The following SERPINB5 variants were observed in gnomAD, a reference collection of about 807,000 sequenced individuals.
SERPINB5 encodes the protein serpin B5.
A neutral mutation model predicts 32.2 loss-of-function variants in SERPINB5; 27 were observed. The observed-to-expected ratio is 0.84, with a 90% CI of 0.62 to 1.16. The LOEUF (loss-of-function observed/expected upper bound fraction) is 1.16, where lower values mean the gene tolerates loss of function less well. SERPINB5 is among the 50% of genes most tolerant of loss of function. SERPINB5 has a pLI of 0.00. For synonymous variants in SERPINB5, 154 were observed against 157.4 expected (o/e 0.98, Z 0.16); for missense variants, 388 against 436.3 (o/e 0.89, Z 0.99).
chr18:63,493,323 A>G (rs1454615206), intron 5 of SERPINB5: 1 of 599,318 alleles, frequency 1.7e-6, no homozygotes, highest in African/African-American at 1.9e-5. Context: ...GCTGAGTGAA[A>G]CTTTATAGAA....
At chr18:63,491,337 G>A (rs1008810497) in intron 4 of SERPINB5, among the ~76,000 whole-genome samples, 2 of 147,936 alleles carry the variant, frequency 1.4e-5, no homozygotes, top group Non-Finnish European at 3.0e-5. Context: ...GGGAGGCGGA[G>A]GTTGCAATGA....
At chr18:63,480,550 C>T (rs77581358) in intron 1 of SERPINB5, among the ~76,000 whole-genome samples, 6,326 of 152,248 alleles carry the variant, frequency 0.042, 388 homozygotes, top group East Asian at 0.13. Flanking sequence ...AATTTTATAG[C>T]ATTTGATCAT....
intron 4 of SERPINB5, 24 bp downstream of exon 4, chr18:63,489,488 C>G: frequency 7.5e-7 from 1 of 1,342,094 alleles, no homozygotes; most frequent in Non-Finnish European, 1.1e-6. Flanking sequence ...AATTGTTCTG[C>G]TATCAATCAC....
rs756920576 is a variant in SERPINB5, at chr18:63,484,378, A to G, written c.-7-44A>G. 3 of 1,553,610 alleles carry G rather than the reference A, an allele frequency of 1.9e-6. No individual in the cohort carries two copies. In the South Asian group the frequency reaches 3.7e-5, roughly 19 times the overall value. ...GGCAGAATGCAGTTGAGAAGACGTT[A>G]AAGATGCTTTAGAAACTAACTGCTC... On this transcript the variant is annotated intron_variant, in intron 1 of 6. Coordinates refer to ENST00000382771, the MANE Select transcript of SERPINB5 (RefSeq NM_002639.5).
At chr18:63,490,853 G>C (rs1171601734) in intron 4 of SERPINB5, 1 of 152,134 alleles carries the variant, frequency 6.6e-6, no homozygotes, top group African/African-American at 2.4e-5. Context: ...AATAGGTTTT[G>C]GGGAACAGGT....
intron 4 of SERPINB5, chr18:63,490,822 T>A (rs1318358682): frequency 6.6e-6 from 1 of 152,226 alleles, no homozygotes; most frequent in African/African-American, 2.4e-5. Context: ...TTTAAAATTG[T>A]ATTATATTGT....
rs1405840872 is a variant in SERPINB5 at position 63,498,590 on chromosome 18, A to G, written c.568-530A>G. ...TACAGTATTATATATACTTCATGTA[A>G]TGTGTAACATGTAGATTATAAAGTA... On this transcript the variant is annotated intron_variant, in intron 5 of 6. Coordinates refer to ENST00000382771, the MANE Select transcript of SERPINB5 (RefSeq NM_002639.5). The surrounding 1 kb of genome is among the most constrained non-coding windows in gnomAD (Gnocchi z 4.2). Among the ~76,000 whole-genome samples the G allele has an allele frequency of 6.6e-6, 1 of 152,144 alleles. No homozygotes were observed. Among genetic ancestry groups the G allele is most frequent in the Non-Finnish European group, 1.5e-5 (1 of 68,036 alleles).
intron 1 of SERPINB5, among the ~76,000 whole-genome samples, chr18:63,478,101 G>C (rs1210984693): frequency 6.6e-6 from 1 of 152,176 alleles, no homozygotes; most frequent in Non-Finnish European, 1.5e-5. Context: ...TTCCTTCATG[G>C]GTGGAGATGA....
rs1428392740 is a variant in SERPINB5 at position 63,480,560 on chromosome 18, T to C, written c.-8+3515T>C. Among the ~76,000 whole-genome samples the C allele has an allele frequency of 2.0e-5, 3 of 152,248 alleles. No homozygotes were observed. The East Asian group carries it at 5.8e-4, about 29-fold the overall frequency. Reference sequence around the variant, plus strand: ...CTTGCAATTTTATAGCATTTGATCATGCAAAATGGTCTGTGTAGGAAGTTT... The same window carrying C: ...CTTGCAATTTTATAGCATTTGATCACGCAAAATGGTCTGTGTAGGAAGTTT... On this transcript the variant is annotated intron_variant, in intron 1 of 6. Coordinates refer to ENST00000382771, the MANE Select transcript of SERPINB5 (RefSeq NM_002639.5).
chr18:63,484,624 T>G lies in SERPINB5; in HGVS notation c.168+28T>G, dbSNP rs375681972. On this transcript the variant is annotated intron_variant, in intron 2 of 6. Transcript: ENST00000382771. ...AAGCCCCAAAACCTTGTTTCTACTT[T>G]AAGTGGGAATACAGTTATTAGAACC... 1.0e-3 allele frequency: 1,668 copies of G among 1,597,860 alleles called. 35 individuals are homozygous for G. The South Asian group carries it at 0.018, about 17-fold the overall frequency.
chr18:63,486,853 T>A (rs375347379), intron 2 of SERPINB5, 93 bp from the exon 3 acceptor site: 2 of 1,338,920 alleles, frequency 1.5e-6, no homozygotes, highest in African/African-American at 2.9e-5. Flanking sequence ...GGAGTCTGTA[T>A]GCCCAAGGAC....
chr18:63,492,567 A>G (rs568021723), intron 4 of SERPINB5, among the ~76,000 whole-genome samples: 69 of 152,260 alleles, frequency 4.5e-4, no homozygotes, highest in Non-Finnish European at 9.8e-4. Context: ...CCTTGTTTAT[A>G]TATCATCCTT....
At chr18:63,485,160 T>C (rs1469161473) in intron 2 of SERPINB5, among the ~76,000 whole-genome samples, 1 of 152,184 alleles carries the variant, frequency 6.6e-6, no homozygotes, top group East Asian at 1.9e-4. Flanking sequence ...ATATTTTCAA[T>C]TTACAATGGT....
intron 1 of SERPINB5, among the ~76,000 whole-genome samples, chr18:63,479,000 T>A (rs1917081916): frequency 6.6e-6 from 1 of 152,168 alleles, no homozygotes. Flanking sequence ...CCTCAAGTGA[T>A]CTGCCCGCCT....
chr18:63,486,161 C>T (rs1205200815), intron 2 of SERPINB5: 3 of 152,128 alleles, frequency 2.0e-5, no homozygotes, highest in Admixed American at 2.0e-4. Context: ...TCATTAACAA[C>T]TCAGGAAAGC....
intron 4 of SERPINB5, among the ~76,000 whole-genome samples, chr18:63,491,845 C>T (rs1231129096): frequency 1.3e-5 from 2 of 152,156 alleles, no homozygotes; most frequent in Non-Finnish European, 2.9e-5. Context: ...TACCGGCTCC[C>T]ACACTTCTTT....
chr18:63,496,484 G>A (rs575851442), intron 5 of SERPINB5, among the ~76,000 whole-genome samples: 1 of 152,280 alleles, frequency 6.6e-6, no homozygotes, highest in East Asian at 1.9e-4. Context: ...TGCCTTGACT[G>A]TATTCTAGTT....
intron 5 of SERPINB5, chr18:63,497,315 C>G: frequency 7.8e-7 from 1 of 1,275,288 alleles, no homozygotes; most frequent in Non-Finnish European, 1.1e-6. Context: ...CAGCTCTTCT[C>G]CTATGCGATT....
intron 1 of SERPINB5, among the ~76,000 whole-genome samples, chr18:63,480,204 G>T (rs1917103875): frequency 6.6e-6 from 1 of 152,192 alleles, no homozygotes; most frequent in Non-Finnish European, 1.5e-5. Flanking sequence ...TTTATAATTT[G>T]CACAGATTGC....
Sources: gnomAD v4.1 joint callset for allele counts (sites outside exome capture counted in the v4.1 genomes callset) on GRCh38, gnomAD v4.1.1 for gene constraint, Gnocchi (gnomAD v3.1) non-coding constraint, MANE v1.5 for transcripts, NCBI Gene and HGNC (gene_info 2026-07-23, HGNC 2026-07-21) for gene names.